ZNF76: variants seen among roughly 807,000 people sequenced by gnomAD.
ZNF76 encodes zinc finger protein 523.
A neutral mutation model predicts 66.9 loss-of-function variants in ZNF76; 66 were observed. That is an observed-to-expected ratio of 0.99 (90% confidence interval 0.81 to 1.21). ZNF76 has a LOEUF of 1.21. ZNF76 is among the 50% of genes most tolerant of loss of function. The pLI, the probability that ZNF76 is intolerant of heterozygous loss-of-function variation, is 0.00. For missense variants in ZNF76, 729 were observed against 760.3 expected, an observed-to-expected ratio of 0.96 and a Z score of 0.48; for synonymous variants, 275 against 296.1, an observed-to-expected ratio of 0.93 and a Z score of 0.73.
chr6:35,281,987 C>A (rs1238783465), intron 2 of ZNF76, among the ~76,000 whole-genome samples: 2 of 150,786 alleles, frequency 1.3e-5, no homozygotes, highest in East Asian at 3.9e-4. Context: ...GAGGAACACC[C>A]AAGCAGAGAT....
At chr6:35,267,216 G>A (rs1355395005) in intron 1 of ZNF76, among the ~76,000 whole-genome samples, 1 of 152,066 alleles carries the variant, frequency 6.6e-6, no homozygotes, top group East Asian at 1.9e-4. Context: ...TCCCATGTCA[G>A]CCTCCTGAGT....
chr6:35,277,180 A>G (rs1562103166), intron 1 of ZNF76, among the ~76,000 whole-genome samples: 1 of 152,050 alleles, frequency 6.6e-6, no homozygotes, highest in Non-Finnish European at 1.5e-5. Context: ...CAAAGAATCT[A>G]CCTGATGAAG....
chr6:35,290,566 A>G (rs1457679164), intron 6 of ZNF76, 75 bp from the exon 7 acceptor site: 16 of 1,563,118 alleles, frequency 1.0e-5, no homozygotes, highest in Non-Finnish European at 1.4e-5. Flanking sequence ...GAAGAGAATC[A>G]GGGTCCTAAA....
chr6:35,285,629 G>T (rs548781978), intron 2 of ZNF76, among the ~76,000 whole-genome samples: 4 of 152,354 alleles, frequency 2.6e-5, no homozygotes, highest in African/African-American at 7.2e-5. Context: ...GCCTGGCCTG[G>T]TTCCAGAGTC....
In ZNF76 at chr6:35,286,049, G is replaced by A; in HGVS notation, c.74-79G>A. On this transcript the variant is annotated intron_variant, in intron 2 of 13. Coordinates refer to ENST00000373953, the MANE Select transcript of ZNF76 (RefSeq NM_003427.5). ...GGCTCGTGCCTAGAGACTCAAATAA[G>A]CCTCAGCTAAAAACAGGCAGGCGTT... is the stretch of plus-strand genomic sequence containing the variant. 4 of 1,349,714 alleles carry A rather than the reference G, an allele frequency of 3.0e-6. No individual in the cohort carries two copies. The Admixed American group carries it at 5.1e-5, about 17-fold the overall frequency. 83.6% of individuals were successfully genotyped at this position (1,349,714 alleles called of 1,614,324 possible). A position where few individuals can be genotyped will look rare whatever the true frequency, so the allele number is the denominator to read the frequency against.
chr6:35,295,542 C>T lies in ZNF76; in HGVS notation c.*294C>T, dbSNP rs1791070019. 4.8e-6 allele frequency: 2 copies of T among 416,230 alleles called. No individual in the cohort carries two copies. Among genetic ancestry groups the T allele is most frequent in the South Asian group, 2.1e-5 (1 of 48,714 alleles). The allele number at this position is 416,230 out of a possible 1,614,324, so 25.8% of individuals were successfully genotyped here. ...GGGCGCCCACTCTCCTCCTAAAGAA[C>T]ACCCTTCTGGCCCTCAGTCTGTTCC... is the stretch of plus-strand genomic sequence containing the variant. On this transcript the variant is annotated 3_prime_UTR_variant, in exon 14 of 14. Transcript: ENST00000373953.
chr6:35,275,616 A>T (rs965042018), intron 1 of ZNF76, among the ~76,000 whole-genome samples: 2 of 152,206 alleles, frequency 1.3e-5, no homozygotes, highest in Non-Finnish European at 2.9e-5. Flanking sequence ...CTCTGCAGTC[A>T]GGCTCTTTTG....
chr6:35,283,237 C>T (rs1010356274), intron 2 of ZNF76, among the ~76,000 whole-genome samples: 1 of 152,212 alleles, frequency 6.6e-6, no homozygotes, highest in Non-Finnish European at 1.5e-5. Context: ...TGTAGTGTTG[C>T]AGTGTGCACT....
intron 1 of ZNF76, among the ~76,000 whole-genome samples, chr6:35,266,394 G>C (rs1786075835): frequency 6.6e-6 from 1 of 152,060 alleles, no homozygotes; most frequent in Non-Finnish European, 1.5e-5. Context: ...CTCGTGATCT[G>C]CCTGGCTCCC....
In ZNF76 at chr6:35,292,108, A is replaced by G. The variant is rs1790482621; in HGVS notation, c.931+371A>G. On this transcript the variant is annotated intron_variant, in intron 9 of 13. Coordinates refer to ENST00000373953, the MANE Select transcript of ZNF76 (RefSeq NM_003427.5). This position sits in a 1 kb window ranked among gnomAD's most constrained non-coding sequence, Gnocchi z 4.7. The stretch of plus-strand genomic sequence containing the variant: ...CAACTCCTCACCTTATCCGCCGTCC[A>G]TGACTCCTGTGTATCCTCACCCTCC... 2.4e-6 allele frequency: 1 copy of G among 418,836 alleles called. No homozygotes were observed. Among genetic ancestry groups the G allele is most frequent in the Non-Finnish European group, 4.5e-6 (1 of 223,738 alleles). The allele number at this position is 418,836 out of a possible 1,614,324, so 25.9% of individuals were successfully genotyped here. A position where few individuals can be genotyped will look rare whatever the true frequency, so the allele number is the denominator to read the frequency against.
intron 1 of ZNF76, among the ~76,000 whole-genome samples, chr6:35,269,280 CAAAA>C (rs10615994): frequency 1.6e-4 from 13 of 82,226 alleles, no homozygotes; most frequent in African/African-American, 4.7e-4. Context: ...GACTCTGTCT[CAAAA>C]AAAAAAAAAA....
intron 1 of ZNF76, among the ~76,000 whole-genome samples, chr6:35,264,734 C>T (rs1785751048): frequency 6.6e-6 from 1 of 151,992 alleles, no homozygotes; most frequent in South Asian, 2.1e-4. Flanking sequence ...TTTCTCTGAC[C>T]TCTTCTGTTT....
rs370860886 is a variant in ZNF76, at chr6:35,287,638, C to G, written c.233-8C>G. On this transcript the variant is annotated splice_region_variant and splice_polypyrimidine_tract_variant and intron_variant, in intron 4 of 13. Coordinates refer to ENST00000373953, the MANE Select transcript of ZNF76 (RefSeq NM_003427.5). The surrounding 1 kb of genome is among the most constrained non-coding windows in gnomAD (Gnocchi z 4.0). ...GTGGCATCAGGGCTAACCGCGTGTT[C>G]CCTGCAGAAGGCTATGACCCCAGCA... 2 of 1,602,150 alleles carry G rather than the reference C, an allele frequency of 1.2e-6. No individual in the cohort carries two copies. Among genetic ancestry groups the G allele is most frequent in the South Asian group, 1.1e-5 (1 of 89,446 alleles).
intron 2 of ZNF76, among the ~76,000 whole-genome samples, chr6:35,282,305 A>G (rs530077576): frequency 6.6e-6 from 1 of 151,010 alleles, no homozygotes; most frequent in East Asian, 1.9e-4. Flanking sequence ...GACCCCATCT[A>G]AAAAAAAAGT....
chr6:35,271,277 C>A (rs564418735), intron 1 of ZNF76, among the ~76,000 whole-genome samples: 3 of 152,380 alleles, frequency 2.0e-5, no homozygotes, highest in Admixed American at 6.5e-5. Flanking sequence ...TTGTCAAACT[C>A]TCCTCCATAG....
intron 1 of ZNF76, among the ~76,000 whole-genome samples, chr6:35,269,923 T>TC (rs1293701654): frequency 6.6e-6 from 1 of 152,136 alleles, no homozygotes; most frequent in Non-Finnish European, 1.5e-5. Context: ...TAGAATGGCC[T>TC]CCATGAATCA....
chr6:35,264,865 G>C (rs1785765554), intron 1 of ZNF76, among the ~76,000 whole-genome samples: 1 of 152,086 alleles, frequency 6.6e-6, no homozygotes, highest in South Asian at 2.1e-4. Flanking sequence ...GCTTAGGTAT[G>C]GTTTCTGGTG....
At chr6:35,277,872 G>A (rs1788141797) in intron 1 of ZNF76, among the ~76,000 whole-genome samples, 2 of 152,134 alleles carry the variant, frequency 1.3e-5, no homozygotes, top group Admixed American at 6.6e-5. Context: ...TCGTTTGTTT[G>A]TTTTTGAGAC....
In ZNF76 at chr6:35,269,305, G is replaced by A. The variant is rs147333895; in HGVS notation, c.-97+9464G>A. The stretch of plus-strand genomic sequence containing the variant: ...CAAAAAAAAAAAAAAAAAAAAAAAT[G>A]TATGAGGCGTACTCAGGCTCCTCTC... On this transcript the variant is annotated intron_variant, in intron 1 of 13. Transcript: ENST00000373953. Among the ~76,000 whole-genome samples, 53 of 122,604 alleles carry A rather than the reference G, an allele frequency of 4.3e-4. No individual in the cohort carries two copies. The East Asian group carries it at 0.012, about 27-fold the overall frequency. The allele number at this position is 122,604 out of a possible 152,430, so 80.4% of individuals were successfully genotyped here. A position where few individuals can be genotyped will look rare whatever the true frequency, so the allele number is the denominator to read the frequency against.
Sources: gnomAD v4.1 joint callset for allele counts (sites outside exome capture counted in the v4.1 genomes callset) on GRCh38, gnomAD v4.1.1 for gene constraint, Gnocchi (gnomAD v3.1) non-coding constraint, MANE v1.5 for transcripts, NCBI Gene and HGNC (gene_info 2026-07-23, HGNC 2026-07-21) for gene names.